Variants in CLMP observed in about 807,000 individuals in gnomAD.
CLMP encodes the protein CXADR like cell adhesion molecule.
In CLMP, 27 loss-of-function variants were observed where a neutral mutation model predicts 45.2. That is an observed-to-expected ratio of 0.60 (90% CI 0.44 to 0.82). The LOEUF (loss-of-function observed/expected upper bound fraction) is 0.82, where lower values mean the gene tolerates loss of function less well. Among genes scored for constraint, CLMP ranks in the 40% least tolerant of loss-of-function variants. The pLI is 0.00. For synonymous variants in CLMP, 167 were observed against 171.4 expected (o/e 0.97, Z 0.20); for missense variants, 403 against 448.4 (o/e 0.90, Z 0.91).
At chr11:123,089,776 CAAAAAAAAAAA>C (rs556690828) in intron 2 of CLMP, among the ~76,000 whole-genome samples, 19 of 79,380 alleles carry the variant, frequency 2.4e-4, no homozygotes, top group African/African-American at 9.1e-4. Flanking sequence ...GTCTCCATCT[CAAAAAAAAAAA>C]AAAAAAGAAA....
chr11:123,115,286 G>A (rs1473113689), intron 1 of CLMP, among the ~76,000 whole-genome samples: 2 of 151,958 alleles, frequency 1.3e-5, no homozygotes, highest in African/African-American at 2.4e-5. Context: ...GGGCTCAAGC[G>A]ATCCTCTTTT....
intron 1 of CLMP, among the ~76,000 whole-genome samples, chr11:123,121,641 T>C (rs1860820724): frequency 6.6e-6 from 1 of 152,044 alleles, no homozygotes; most frequent in Non-Finnish European, 1.5e-5. Flanking sequence ...GGGAGGTGGG[T>C]AATGGCTGCC....
At chr11:123,100,102 G>A (rs1237243406) in intron 1 of CLMP, among the ~76,000 whole-genome samples, 3 of 152,174 alleles carry the variant, frequency 2.0e-5, no homozygotes, top group African/African-American at 7.2e-5. Context: ...CCGGCACGGT[G>A]GCTCACGCCT....
At chr11:123,085,412 C>G (rs77485665) in intron 2 of CLMP, among the ~76,000 whole-genome samples, 10 of 151,578 alleles carry the variant, frequency 6.6e-5, no homozygotes, top group African/African-American at 2.4e-4. Flanking sequence ...CCATGCCCGG[C>G]TAACTTTTGT....
rs113512402 is a variant in CLMP at position 123,116,140 on chromosome 11, G to A, written c.29-18188C>T. Among the ~76,000 whole-genome samples, 318 of 151,922 alleles carry A rather than the reference G, an allele frequency of 2.1e-3. 1 individual carries two copies. Among genetic ancestry groups the A allele is most frequent in the African/African-American group, 7.3e-3 (302 of 41,430 alleles). On this transcript the variant is annotated intron_variant, in intron 1 of 6. Transcript: ENST00000448775. ...CAAGATGAGACGTCTCAGAGGAGAC[G>A]TCTAATCTCTGCTGCCGTATTCTAC...
chr11:123,091,580 C>T (rs1308730189), intron 2 of CLMP, among the ~76,000 whole-genome samples: 1 of 152,166 alleles, frequency 6.6e-6, no homozygotes, highest in Non-Finnish European at 1.5e-5. Context: ...TTGACTTGCT[C>T]CAGGATAGGG....
chr11:123,148,765 C>G (rs1373296099), intron 1 of CLMP, among the ~76,000 whole-genome samples: 1 of 152,172 alleles, frequency 6.6e-6, no homozygotes, highest in Non-Finnish European at 1.5e-5. Flanking sequence ...GGAAGCTAGT[C>G]AATTGCGTGC....
intron 5 of CLMP, among the ~76,000 whole-genome samples, chr11:123,082,509 A>G (rs1865817311): frequency 1.3e-5 from 2 of 151,836 alleles, no homozygotes; most frequent in South Asian, 2.1e-4. Flanking sequence ...GGGTTTCACC[A>G]TGTTGGTCAG....
At chr11:123,191,411 A>T (rs1204466009) in intron 1 of CLMP, 1 of 152,254 alleles carries the variant, frequency 6.6e-6, no homozygotes, top group Non-Finnish European at 1.5e-5. Context: ...TCGTTATCTT[A>T]CAGACCAATG....
At chr11:123,086,857 G>T (rs940707957) in intron 2 of CLMP, among the ~76,000 whole-genome samples, 1 of 152,100 alleles carries the variant, frequency 6.6e-6, no homozygotes, top group Admixed American at 6.6e-5. Flanking sequence ...TCCAGCCTGG[G>T]TGACAGAGTG....
At chr11:123,162,579 T>C (rs1174580826) in intron 1 of CLMP, among the ~76,000 whole-genome samples, 1 of 151,422 alleles carries the variant, frequency 6.6e-6, no homozygotes, top group African/African-American at 2.4e-5. Flanking sequence ...TGAAGGAGCT[T>C]ATAGTCCACA....
chr11:123,103,029 G>T (rs371211201), intron 1 of CLMP, among the ~76,000 whole-genome samples: 46 of 152,112 alleles, frequency 3.0e-4, no homozygotes, highest in African/African-American at 1.1e-3. Context: ...TAACCCACAC[G>T]CTCATTTTTA....
In CLMP at chr11:123,078,924, G is replaced by A. The variant is rs544641724; in HGVS notation, c.680-4081C>T. Among the ~76,000 whole-genome samples the A allele has an allele frequency of 1.6e-3, 251 of 152,160 alleles. 2 individuals carry two copies. Among genetic ancestry groups the A allele is most frequent in the African/African-American group, 5.3e-3 (221 of 41,508 alleles). On this transcript the variant is annotated intron_variant, in intron 5 of 6. Transcript: ENST00000448775. ...CTCCCAAAGTGCTGGGATTATAGGC[G>A]TGAGTCACCGTGCCCGGCAAGTTTT...
At chr11:123,191,933 C>T (rs185000234) in intron 1 of CLMP, among the ~76,000 whole-genome samples, 2 of 152,130 alleles carry the variant, frequency 1.3e-5, no homozygotes. Flanking sequence ...AAGAGGAAGG[C>T]TATTGGGATT....
chr11:123,083,576 AG>A, intron 4 of CLMP, 103 bp downstream of exon 4: 1 of 1,143,884 alleles, frequency 8.7e-7, no homozygotes, highest in South Asian at 1.2e-5. Flanking sequence ...GAGGTTCAGC[AG>A]GGTATTTCAG....
rs1369569977 is a variant in CLMP at position 123,194,898 on chromosome 11, C to T, written c.28+15G>A. On this transcript the variant is annotated intron_variant, in intron 1 of 6. Coordinates refer to ENST00000448775, the MANE Select transcript of CLMP (RefSeq NM_024769.5). ...CCACGGCCATCCAAACTCCCGCCCT[C>T]CCAGAGGCACTCACCTAGCAAGAGG... 1 of 1,613,528 alleles carries T rather than the reference C, an allele frequency of 6.2e-7. No individual in the cohort carries two copies. Among genetic ancestry groups the T allele is most frequent in the Non-Finnish European group, 8.5e-7 (1 of 1,179,656 alleles).
intron 1 of CLMP, among the ~76,000 whole-genome samples, chr11:123,136,713 A>T (rs1268236371): frequency 6.6e-6 from 1 of 151,230 alleles, no homozygotes; most frequent in African/African-American, 2.4e-5. Context: ...GATTACAGGC[A>T]CATGCCACCC....
At chr11:123,101,730 G>A (rs933157809) in intron 1 of CLMP, among the ~76,000 whole-genome samples, 2 of 152,186 alleles carry the variant, frequency 1.3e-5, no homozygotes, top group Non-Finnish European at 2.9e-5. Context: ...GCTAACTTTG[G>A]AAGACATTTA....
At chr11:123,143,755 C>G (rs1049321316) in intron 1 of CLMP, among the ~76,000 whole-genome samples, 7 of 152,190 alleles carry the variant, frequency 4.6e-5, no homozygotes, top group Non-Finnish European at 8.8e-5. Flanking sequence ...CAAGCCCCAG[C>G]TGAGCCTCCA....
Sources: gnomAD v4.1 joint callset for allele counts (sites outside exome capture counted in the v4.1 genomes callset) on GRCh38, gnomAD v4.1.1 for gene constraint, MANE v1.5 for transcripts, NCBI Gene and HGNC (gene_info 2026-07-23, HGNC 2026-07-21) for gene names.